Variants in GREM2 observed in about 807,000 individuals in gnomAD.
GREM2 encodes gremlin-2.
In GREM2, 11 loss-of-function variants were observed where a neutral mutation model predicts 14.2. That is an observed-to-expected ratio of 0.78 (90% CI 0.49 to 1.28). The LOEUF is 1.28. Ranked by LOEUF, GREM2 falls within the 50% of genes most tolerant of loss-of-function variation. GREM2 has a pLI of 0.00. For synonymous variants in GREM2, 98 were observed against 97.6 expected, an observed-to-expected ratio of 1.00 and a Z score of -0.02; for missense variants, 210 against 218.5, an observed-to-expected ratio of 0.96 and a Z score of 0.24.
At chr1:240,583,267 A>C (rs1192993244) in intron 1 of GREM2, among the ~76,000 whole-genome samples, 1 of 152,188 alleles carries the variant, frequency 6.6e-6, no homozygotes, top group Non-Finnish European at 1.5e-5. Context: ...AAAAAAGGGC[A>C]AAAAAATGCT....
At chr1:240,605,364 C>T (rs1680003783) in intron 1 of GREM2, among the ~76,000 whole-genome samples, 1 of 152,108 alleles carries the variant, frequency 6.6e-6, no homozygotes, top group Non-Finnish European at 1.5e-5. Flanking sequence ...CTAGTCTCAG[C>T]TACTTCGGAG....
chr1:240,561,451 C>G (rs9428852), intron 1 of GREM2, among the ~76,000 whole-genome samples: 2 of 151,996 alleles, frequency 1.3e-5, no homozygotes, highest in East Asian at 3.8e-4. Context: ...ATTTGCCCAA[C>G]CTAACAGTCC....
intron 1 of GREM2, among the ~76,000 whole-genome samples, chr1:240,509,138 T>C (rs1336614661): frequency 6.6e-6 from 1 of 152,170 alleles, no homozygotes; most frequent in Non-Finnish European, 1.5e-5. Context: ...AGGGAGAGGA[T>C]TTGAAAGTAA....
chr1:240,490,590 A>T lies in GREM2; in HGVS notation c.*2379T>A, dbSNP rs563107725. 11 of 152,772 alleles carry T rather than the reference A, an allele frequency of 7.2e-5. No individual in the cohort carries two copies. In the South Asian group the frequency reaches 2.3e-3, roughly 32 times the overall value. The allele number at this position is 152,772 out of a possible 1,614,324, so 9.5% of individuals were successfully genotyped here. On this transcript the variant is annotated 3_prime_UTR_variant, in exon 2 of 2. Coordinates refer to ENST00000318160, the MANE Select transcript of GREM2 (RefSeq NM_022469.4). ...ATAGCTTTTCTTCATTTATAAACAA[A>T]ACAAAAAAATTAAATACAATTTGAG...
At chr1:240,550,812 G>C (rs773881800) in intron 1 of GREM2, among the ~76,000 whole-genome samples, 5 of 152,160 alleles carry the variant, frequency 3.3e-5, no homozygotes, top group Non-Finnish European at 5.9e-5. Context: ...TATTACGAAT[G>C]ATCAAAAGCA....
At chr1:240,585,367 A>C (rs534895521) in intron 1 of GREM2, among the ~76,000 whole-genome samples, 1 of 152,250 alleles carries the variant, frequency 6.6e-6, no homozygotes, top group Non-Finnish European at 1.5e-5. Context: ...TCTGGCATTA[A>C]ATAGATTAAA....
At chr1:240,496,250 G>A (rs1677412957) in intron 1 of GREM2, among the ~76,000 whole-genome samples, 1 of 152,106 alleles carries the variant, frequency 6.6e-6, no homozygotes, top group Non-Finnish European at 1.5e-5. Context: ...TTCTCACAGG[G>A]TCGGACGAGC....
At chr1:240,602,354 A>G (rs1679940722) in intron 1 of GREM2, among the ~76,000 whole-genome samples, 1 of 151,924 alleles carries the variant, frequency 6.6e-6, no homozygotes, top group Non-Finnish European at 1.5e-5. Flanking sequence ...ATTCTTTCTT[A>G]TATGTTTTTT....
At chr1:240,506,313 G>C (rs891347842) in intron 1 of GREM2, among the ~76,000 whole-genome samples, 1 of 152,072 alleles carries the variant, frequency 6.6e-6, no homozygotes, top group Non-Finnish European at 1.5e-5. Context: ...TCTCTTTCCT[G>C]ACAGTTTTTC....
chr1:240,602,781 C>G (rs1440149232), intron 1 of GREM2, among the ~76,000 whole-genome samples: 1 of 150,678 alleles, frequency 6.6e-6, no homozygotes, highest in Admixed American at 6.7e-5. Flanking sequence ...CGCCACTGCA[C>G]TCCAGCCTGG....
chr1:240,595,214 C>A (rs1206153851), intron 1 of GREM2, among the ~76,000 whole-genome samples: 1 of 152,130 alleles, frequency 6.6e-6, no homozygotes, highest in Non-Finnish European at 1.5e-5. Flanking sequence ...CACCTGTAGT[C>A]CCAGCTATTT....
Position 240,543,515 on chromosome 1 carries a change from A to C in GREM2, c.-1-50039T>G, listed in dbSNP as rs564637774. Among the ~76,000 whole-genome samples the C allele has an allele frequency of 6.6e-6, 1 of 152,318 alleles. No homozygotes were observed. Among genetic ancestry groups the C allele is most frequent in the Admixed American group, 6.5e-5 (1 of 15,296 alleles). Reference sequence around the variant, plus strand: ...CAGTAGGGGGGAAACCGCCCTTGTGATTCAATTATTTCCACCTGGCCTTGC... The same window carrying C: ...CAGTAGGGGGGAAACCGCCCTTGTGCTTCAATTATTTCCACCTGGCCTTGC... On this transcript the variant is annotated intron_variant, in intron 1 of 1. Transcript: ENST00000318160. This position sits in a 1 kb window ranked among gnomAD's most constrained non-coding sequence, Gnocchi z 6.4.
chr1:240,573,825 CG>C (rs779930144), intron 1 of GREM2, among the ~76,000 whole-genome samples: 10 of 152,074 alleles, frequency 6.6e-5, no homozygotes, highest in Non-Finnish European at 1.5e-4. Context: ...GCCTGAGTTG[CG>C]GGTAGAGGAT....
At chr1:240,554,417 A>G (rs549853637) in intron 1 of GREM2, among the ~76,000 whole-genome samples, 1 of 152,056 alleles carries the variant, frequency 6.6e-6, no homozygotes, top group South Asian at 2.1e-4. Context: ...GTCTCGAAAA[A>G]AAAAAAAAAA....
chr1:240,605,241 C>A (rs1039446784), intron 1 of GREM2, among the ~76,000 whole-genome samples: 3 of 152,136 alleles, frequency 2.0e-5, no homozygotes, highest in Non-Finnish European at 4.4e-5. Flanking sequence ...AATGGCCTTA[C>A]TAAATATATT....
intron 1 of GREM2, among the ~76,000 whole-genome samples, chr1:240,534,034 G>T (rs542864441): frequency 6.6e-6 from 1 of 152,176 alleles, no homozygotes; most frequent in African/African-American, 2.4e-5. Context: ...TGAATCAAAC[G>T]TGGAAAATGC....
In GREM2 at chr1:240,491,259, C is replaced by T. The variant is rs1239827627; in HGVS notation, c.*1710G>A. 6.6e-6 allele frequency: 1 copy of T among 152,468 alleles called. No individual in the cohort carries two copies. Among genetic ancestry groups the T allele is most frequent in the African/African-American group, 2.4e-5 (1 of 41,416 alleles). The allele number at this position is 152,468 out of a possible 1,614,324, so 9.4% of individuals were successfully genotyped here. On this transcript the variant is annotated 3_prime_UTR_variant, in exon 2 of 2. Transcript: ENST00000318160. ...ACTACCTAGTATCAGGAAGCTAAGT[C>T]CCCACAGCGGCTTGCAGAGGGTCTC...
intron 1 of GREM2, among the ~76,000 whole-genome samples, chr1:240,513,469 G>T (rs921401603): frequency 1.3e-5 from 2 of 151,804 alleles, no homozygotes; most frequent in African/African-American, 4.8e-5. Context: ...CAGCTACTCG[G>T]GAGGCTGAGG....
At chr1:240,536,969 G>A (rs1678486429) in intron 1 of GREM2, among the ~76,000 whole-genome samples, 1 of 152,198 alleles carries the variant, frequency 6.6e-6, no homozygotes, top group Non-Finnish European at 1.5e-5. Context: ...TGACCAAAGT[G>A]AGATGCTGAC....
Sources: gnomAD v4.1 joint callset for allele counts (sites outside exome capture counted in the v4.1 genomes callset) on GRCh38, gnomAD v4.1.1 for gene constraint, Gnocchi (gnomAD v3.1) non-coding constraint, MANE v1.5 for transcripts, NCBI Gene and HGNC (gene_info 2026-07-23, HGNC 2026-07-21) for gene names.